SCIN: variants seen among roughly 807,000 people sequenced by gnomAD.
SCIN encodes the protein adseverin.
SCIN carries 91 observed loss-of-function variants against 91.8 expected under a neutral mutation model. The ratio of observed to expected loss-of-function variants is 0.99; its 90% CI spans 0.84 to 1.18. The LOEUF (loss-of-function observed/expected upper bound fraction) is 1.18, where lower values mean the gene tolerates loss of function less well. Ranked by LOEUF, SCIN falls within the 50% of genes most tolerant of loss-of-function variation. The pLI, the probability that SCIN is intolerant of heterozygous loss-of-function variation, is 0.00. For synonymous variants in SCIN, 367 were observed against 312.6 expected, an observed-to-expected ratio of 1.17 and a Z score of -1.84; for missense variants, 1,087 against 863.9, an observed-to-expected ratio of 1.26 and a Z score of -3.24.
intron 1 of SCIN, 149 bp downstream of exon 1, chr7:12,571,134 C>A: frequency 4.7e-6 from 4 of 844,928 alleles, no homozygotes; most frequent in Non-Finnish European, 7.1e-6. Context: ...TGGGGCCGGC[C>A]ACTTTCTCCC....
At chr7:12,593,978 G>A (rs1403245277) in intron 3 of SCIN, among the ~76,000 whole-genome samples, 16 of 152,212 alleles carry the variant, frequency 1.1e-4, no homozygotes, top group Admixed American at 1.0e-3. Flanking sequence ...GTAAGTATCA[G>A]GATCGGAGGA....
rs1193032034 is a variant in SCIN at position 12,657,568 on chromosome 7, A to G, written c.*4853A>G. 3 of 20,638 alleles carry G rather than the reference A, an allele frequency of 1.5e-4. No individual in the cohort carries two copies. Among genetic ancestry groups the G allele is most frequent in the Middle Eastern group, 0.031 (1 of 32 alleles). 1.3% of individuals were successfully genotyped at this position (20,638 alleles called of 1,614,324 possible). A position where few individuals can be genotyped will look rare whatever the true frequency, so the allele number is the denominator to read the frequency against. On this transcript the variant is annotated 3_prime_UTR_variant, in exon 16 of 16. Coordinates refer to ENST00000297029, the MANE Select transcript of SCIN (RefSeq NM_001112706.3). ...TATATATATATATATATATATATAT[A>G]TATATTTTTTTTTTTTTTTTTTTTT...
chr7:12,645,374 G>A (rs901090231), intron 13 of SCIN, among the ~76,000 whole-genome samples: 2 of 152,046 alleles, frequency 1.3e-5, no homozygotes, highest in African/African-American at 4.8e-5. Context: ...ACCTAACAAC[G>A]CCGGGAAGGG....
At chr7:12,618,903 A>C (rs1783351533) in intron 4 of SCIN, among the ~76,000 whole-genome samples, 2 of 152,274 alleles carry the variant, frequency 1.3e-5, no homozygotes, top group Non-Finnish European at 2.9e-5. Flanking sequence ...TAAGATGAGA[A>C]GAATGAAATG....
At chr7:12,639,543 T>C (rs1308489640) in intron 10 of SCIN, among the ~76,000 whole-genome samples, 2 of 152,216 alleles carry the variant, frequency 1.3e-5, no homozygotes, top group African/African-American at 4.8e-5. Flanking sequence ...ACATGAAATT[T>C]GAACTCTTTA....
intron 4 of SCIN, among the ~76,000 whole-genome samples, chr7:12,621,163 C>T (rs1783399768): frequency 6.6e-6 from 1 of 152,016 alleles, no homozygotes; most frequent in African/African-American, 2.4e-5. Context: ...GATGTAAAGC[C>T]CTTAAGTGTT....
chr7:12,590,637 C>G (rs191974512), intron 3 of SCIN, among the ~76,000 whole-genome samples: 2 of 151,850 alleles, frequency 1.3e-5, no homozygotes, highest in Admixed American at 6.6e-5. Flanking sequence ...GCTGGGATAA[C>G]AGGAAGGAGA....
At chr7:12,592,758 C>T (rs977361747) in intron 3 of SCIN, among the ~76,000 whole-genome samples, 3 of 152,118 alleles carry the variant, frequency 2.0e-5, no homozygotes, top group African/African-American at 7.2e-5. Flanking sequence ...GGCAAGCGGA[C>T]AAGAGATGAG....
rs1784176925 is a variant in SCIN, at chr7:12,657,160, G to A, written c.*4445G>A. 1 of 149,804 alleles carries A rather than the reference G, an allele frequency of 6.7e-6. No homozygotes were observed. The highest frequency in any genetic ancestry group is 1.5e-5 in the Non-Finnish European group (1 of 67,764). The allele number at this position is 149,804 out of a possible 1,614,324, so 9.3% of individuals were successfully genotyped here. ...TATAATCCAGAAATCCCACTCCATGGTGTGTACCCAACAAAAATGCATACA... is the reference window on the plus strand; with the variant it reads ...TATAATCCAGAAATCCCACTCCATGATGTGTACCCAACAAAAATGCATACA... On this transcript the variant is annotated 3_prime_UTR_variant, in exon 16 of 16. Transcript: ENST00000297029.
At chr7:12,596,101 G>A (rs114320023) in intron 3 of SCIN, among the ~76,000 whole-genome samples, 141 of 152,272 alleles carry the variant, frequency 9.3e-4, no homozygotes, top group African/African-American at 3.1e-3. Context: ...AAGGTCAAGC[G>A]CGGTGTTTAC....
chr7:12,636,531 G>GA (rs1783756000), intron 10 of SCIN, among the ~76,000 whole-genome samples: 1 of 152,170 alleles, frequency 6.6e-6, no homozygotes, highest in Non-Finnish European at 1.5e-5. Flanking sequence ...CTGTGAGTGT[G>GA]ATATGTTACA....
At chr7:12,578,288 T>C (rs1462260268) in intron 2 of SCIN, 70 bp downstream of exon 2, 2 of 1,377,564 alleles carry the variant, frequency 1.5e-6, no homozygotes, top group Non-Finnish European at 1.9e-6. Context: ...CCTGTCTTCA[T>C]AGAATGACAG....
At chr7:12,587,814 CT>C (rs1782621623) in intron 3 of SCIN, among the ~76,000 whole-genome samples, 1 of 152,068 alleles carries the variant, frequency 6.6e-6, no homozygotes, top group South Asian at 2.1e-4. Flanking sequence ...TTTCAGTCTT[CT>C]TTTTTACTTT....
chr7:12,657,555 T>TAC lies in SCIN; in HGVS notation c.*4841_*4842insCA, dbSNP rs1256341671. On this transcript the variant is annotated 3_prime_UTR_variant, in exon 16 of 16. Transcript: ENST00000297029. Reference sequence around the variant, plus strand: ...ATGTGTGTGTATATATATATATATATATATATATATATATATATTTTTTTT... The same window carrying TAC: ...ATGTGTGTGTATATATATATATATATACATATATATATATATATATTTTTTTT... 5.8e-3 allele frequency: 119 copies of TAC among 20,576 alleles called. 7 individuals carry two copies. Among genetic ancestry groups the TAC allele is most frequent in the African/African-American group, 0.017 (111 of 6,630 alleles). The allele number at this position is 20,576 out of a possible 1,614,324, so 1.3% of individuals were successfully genotyped here. A position where few individuals can be genotyped will look rare whatever the true frequency, so the allele number is the denominator to read the frequency against.
At position 12,636,044 on chromosome 7, in the gene SCIN, G is replaced by C; in HGVS notation, c.1320-1G>C. 1 of 1,610,738 alleles carries C rather than the reference G, an allele frequency of 6.2e-7. No homozygotes were observed. Among genetic ancestry groups the C allele is most frequent in the Non-Finnish European group, 8.5e-7 (1 of 1,178,372 alleles). ...AATTCGTTTCACTTTCATTCCTCTA[G>C]GCAAGGAGCAAATGCCACACGAGAT... is the stretch of plus-strand genomic sequence containing the variant. On this transcript the variant is annotated splice_acceptor_variant, in intron 9 of 15. Coordinates refer to ENST00000297029, the MANE Select transcript of SCIN (RefSeq NM_001112706.3). LOFTEE classifies it high-confidence loss of function.
rs1168517391 is a variant in SCIN, at chr7:12,657,799, G to A, written c.*5084G>A. The A allele has an allele frequency of 6.6e-6, 1 of 151,018 alleles. No individual in the cohort carries two copies. Among genetic ancestry groups the A allele is most frequent in the Non-Finnish European group, 1.5e-5 (1 of 67,758 alleles). The allele number at this position is 151,018 out of a possible 1,614,324, so 9.4% of individuals were successfully genotyped here. On this transcript the variant is annotated 3_prime_UTR_variant, in exon 16 of 16. Transcript: ENST00000297029. ...AAGATGTTATTTCTAGTTTATAATT[G>A]ACTATGGCATTTGCATGCATTTCAT...
chr7:12,647,155 G>A (rs1285065819), intron 13 of SCIN, among the ~76,000 whole-genome samples: 1 of 151,944 alleles, frequency 6.6e-6, no homozygotes, highest in Non-Finnish European at 1.5e-5. Context: ...AAGTACCTAG[G>A]CTTTGTTCTC....
At chr7:12,649,089 G>T (rs964276573) in intron 13 of SCIN, among the ~76,000 whole-genome samples, 2 of 152,120 alleles carry the variant, frequency 1.3e-5, no homozygotes, top group South Asian at 4.2e-4. Context: ...CTTATCTCTG[G>T]CACTCTTTGG....
intron 6 of SCIN, 125 bp from the exon 7 acceptor site, chr7:12,625,637 T>A (rs1267372251): frequency 1.3e-6 from 1 of 745,692 alleles, no homozygotes; most frequent in African/African-American, 1.8e-5. Context: ...CCAATTTTGC[T>A]ATTCTTTCAC....
Sources: allele counts gnomAD v4.1 joint callset (sites outside exome capture counted in the v4.1 genomes callset), GRCh38; gene constraint gnomAD v4.1.1; transcripts MANE v1.5; gene names NCBI Gene and HGNC (gene_info 2026-07-23, HGNC 2026-07-21).